EP400: variants seen among roughly 807,000 people sequenced by gnomAD.
EP400 encodes E1A binding protein p400, also known as E1A-binding protein p400.
In EP400, 105 loss-of-function variants were observed where a neutral mutation model predicts 354.1. The ratio of observed to expected loss-of-function variants is 0.30; its 90% CI spans 0.25 to 0.35. EP400 has a LOEUF of 0.35. Ranked by LOEUF, EP400 falls within the 10% of genes least tolerant of loss-of-function variation. The probability of loss-of-function intolerance (pLI) is 1.00; values close to 1 mark genes in which losing one functional copy is unlikely to be tolerated. For missense variants in EP400, 3,280 were observed against 4,121.0 expected, an observed-to-expected ratio of 0.80 and a Z score of 5.59; for synonymous variants, 1,646 against 1,716.9, an observed-to-expected ratio of 0.96 and a Z score of 1.02.
chr12:132,045,411 C>T lies in EP400; in HGVS notation c.6877C>T (p.Arg2293Cys), dbSNP rs1433414794. Residue 2293 changes from arginine to cysteine, a missense_variant, in exon 38 of 53, where the codon CGC becomes TGC. Around this residue, in one of 20 missense-constraint regions of EP400, gnomAD observed 231 missense variants for 257.9 expected, o/e 0.90. Coordinates refer to ENST00000389561, the MANE Select transcript of EP400 (RefSeq NM_015409.5). ...CGCAACACCAGGACTTCTGAAAATTCGCAGAGAGGGCAAGGAGCAGAAGAA... is the reference window on the plus strand; with the variant it reads ...CGCAACACCAGGACTTCTGAAAATTTGCAGAGAGGGCAAGGAGCAGAAGAA... ...DRATPGLLKI[R>C]REGKEQKKNI... The T allele has an allele frequency of 1.2e-6, 2 of 1,614,224 alleles. No homozygotes were observed. The highest frequency in any genetic ancestry group is 1.1e-5 in the South Asian group (1 of 91,084).
At chr12:131,995,050 C>A in intron 12 of EP400, 94 bp downstream of exon 12, 1 of 1,202,292 alleles carries the variant, frequency 8.3e-7, no homozygotes, top group Non-Finnish European at 1.2e-6. Context: ...GTAACAACAG[C>A]AGCAGTGCCT....
intron 2 of EP400, among the ~76,000 whole-genome samples, chr12:131,974,454 A>G (rs1483132407): frequency 6.6e-6 from 1 of 152,018 alleles, no homozygotes; most frequent in Non-Finnish European, 1.5e-5. Context: ...TAGGGCAGAA[A>G]TTTTCCTTTT....
chr12:132,041,383 C>T (rs1894900632), intron 32 of EP400, among the ~76,000 whole-genome samples: 3 of 152,234 alleles, frequency 2.0e-5, no homozygotes, highest in Admixed American at 6.5e-5. Context: ...GAGGATGCGG[C>T]GGGCTCCTCA....
chr12:131,992,100 G>T, intron 10 of EP400, 73 bp from the exon 11 acceptor site: 2 of 1,531,464 alleles, frequency 1.3e-6, no homozygotes, highest in South Asian at 1.1e-5. Context: ...CTGTCCCATG[G>T]ACACTGCTGT....
At chr12:132,005,426 G>T (rs1365974775) in intron 13 of EP400, among the ~76,000 whole-genome samples, 1 of 152,136 alleles carries the variant, frequency 6.6e-6, no homozygotes, top group Non-Finnish European at 1.5e-5. Context: ...TTTTTCTCTA[G>T]ATTTATAAAC....
chr12:132,059,031 G>A (rs1211689593), intron 45 of EP400, among the ~76,000 whole-genome samples: 1 of 151,962 alleles, frequency 6.6e-6, no homozygotes, highest in African/African-American at 2.4e-5. Flanking sequence ...TGAAGTTATT[G>A]GATAAAAATT....
chr12:131,982,603 A>C, intron 5 of EP400, 125 bp downstream of exon 5: 4 of 1,164,370 alleles, frequency 3.4e-6, no homozygotes, highest in Non-Finnish European at 4.8e-6. Context: ...TGCTCCCCCA[A>C]TTTAGAACAA....
Position 131,961,847 on chromosome 12 carries a change from CATT to C in EP400, c.1231_1233del (p.Tyr411del). Reference sequence around the variant, plus strand: ...GGATTTCTTAGCTTTCAAGAAGAAACATTATGCCCCATTACAAGCATATCTTAG... The same window carrying C: ...GGATTTCTTAGCTTTCAAGAAGAAACATGCCCCATTACAAGCATATCTTAG... On this transcript the variant is annotated inframe_deletion, in exon 2 of 53. Transcript: ENST00000389561. The C allele has an allele frequency of 1.2e-6, 2 of 1,614,154 alleles. No homozygotes were observed. The highest frequency in any genetic ancestry group is 1.7e-6 in the Non-Finnish European group (2 of 1,180,036).
At position 132,050,585 on chromosome 12, in the gene EP400, T is replaced by C; in HGVS notation, c.7338-14T>C. ...CTTTATTTAATAATTGCTGTCTCAC[T>C]GTCTATACTTCAGGCTTGGCATGAA... On this transcript the variant is annotated splice_polypyrimidine_tract_variant and intron_variant, in intron 40 of 52. Transcript: ENST00000389561. The surrounding 1 kb of genome is among the most constrained non-coding windows in gnomAD (Gnocchi z 4.8). The C allele has an allele frequency of 6.2e-7, 1 of 1,614,208 alleles. No homozygotes were observed.
intron 12 of EP400, among the ~76,000 whole-genome samples, chr12:131,997,239 C>T (rs980565693): frequency 6.6e-5 from 10 of 151,620 alleles, no homozygotes; most frequent in East Asian, 1.9e-4. Context: ...ATGAAACAGT[C>T]GATGAACACA....
At chr12:131,976,332 T>C (rs191006155) in intron 2 of EP400, among the ~76,000 whole-genome samples, 9 of 152,318 alleles carry the variant, frequency 5.9e-5, no homozygotes, top group African/African-American at 2.2e-4. Flanking sequence ...TTTTGTACAA[T>C]TGTGCATGAT....
intron 9 of EP400, 119 bp from the exon 10 acceptor site, chr12:131,991,288 C>T (rs1254086992): frequency 2.2e-6 from 2 of 920,200 alleles, no homozygotes; most frequent in Non-Finnish European, 3.6e-6. Flanking sequence ...AGGCAGAACT[C>T]ACGCGTCCTT....
chr12:131,963,511 T>A, intron 2 of EP400: 2 of 1,568,112 alleles, frequency 1.3e-6, no homozygotes, highest in Non-Finnish European at 1.7e-6. Flanking sequence ...TGCCTTTTTT[T>A]CTCAAAATAT....
chr12:131,961,963 CAGG>C lies in EP400; in HGVS notation c.1335+12_1335+14del. ...AGGTTATCAATGACGAGGTAAGAAA[CAGG>C]AGTTAATTTGTTTAGTACAAATCTT... On this transcript the variant is annotated intron_variant, in intron 2 of 52. Transcript: ENST00000389561. The C allele has an allele frequency of 6.2e-7, 1 of 1,604,794 alleles. No homozygotes were observed. Among genetic ancestry groups the C allele is most frequent in the South Asian group, 1.1e-5 (1 of 90,622 alleles).
intron 2 of EP400, among the ~76,000 whole-genome samples, chr12:131,973,965 C>T (rs1013838104): frequency 1.1e-4 from 16 of 150,518 alleles, no homozygotes; most frequent in South Asian, 4.2e-4. Flanking sequence ...TTGTTTCTTA[C>T]GTTACTTTAC....
At chr12:131,996,172 T>G (rs974738690) in intron 12 of EP400, among the ~76,000 whole-genome samples, 24 of 152,182 alleles carry the variant, frequency 1.6e-4, no homozygotes, top group African/African-American at 5.5e-4. Context: ...TTCCCTGTGT[T>G]TGCTGTGAGC....
At chr12:131,951,291 G>T (rs1470535946) in intron 1 of EP400, among the ~76,000 whole-genome samples, 1 of 150,888 alleles carries the variant, frequency 6.6e-6, no homozygotes, top group Non-Finnish European at 1.5e-5. Flanking sequence ...AGCTCAGGCA[G>T]TCCGCCCACC....
Position 132,050,892 on chromosome 12 carries a change from T to C in EP400, c.7394+237T>C. ...AGGGATTGTCCTTGCTGGCCCTCAG[T>C]GGGGAAAGACGCTGACAGATGTGAT... On this transcript the variant is annotated intron_variant, in intron 41 of 52. Coordinates refer to ENST00000389561, the MANE Select transcript of EP400 (RefSeq NM_015409.5). This position sits in a 1 kb window ranked among gnomAD's most constrained non-coding sequence, Gnocchi z 4.8. 1 of 587,778 alleles carries C rather than the reference T, an allele frequency of 1.7e-6. No individual in the cohort carries two copies. The highest frequency in any genetic ancestry group is 3.0e-6 in the Non-Finnish European group (1 of 330,380). 36.4% of individuals were successfully genotyped at this position (587,778 alleles called of 1,614,324 possible). A position where few individuals can be genotyped will look rare whatever the true frequency, so the allele number is the denominator to read the frequency against.
chr12:132,018,231 G>T lies in EP400; in HGVS notation c.4132G>T (p.Asp1378Tyr). The change falls in exon 21 of 53, where the codon GAT becomes TAT. Residue 1378 changes from aspartate to tyrosine, a missense_variant. By Grantham distance (160) the Asp-to-Tyr change is radical. Coordinates refer to ENST00000389561, the MANE Select transcript of EP400 (RefSeq NM_015409.5). The surrounding 1 kb of genome is among the most constrained non-coding windows in gnomAD (Gnocchi z 4.0). ...FWKEADLSMF[D>Y]LIGLENKITR... is the part of the protein sequence containing the mutation. The stretch of plus-strand genomic sequence containing the variant: ...CTAGGAAGCAGATCTTTCTATGTTT[G>T]ATCTCATCGGCTTAGAAAATAAAAT... The T allele has an allele frequency of 1.2e-6, 2 of 1,612,486 alleles. No homozygotes were observed. The highest frequency in any genetic ancestry group is 1.7e-6 in the Non-Finnish European group (2 of 1,179,634).
Sources: gnomAD v4.1 joint callset for allele counts (sites outside exome capture counted in the v4.1 genomes callset) on GRCh38, gnomAD v4.1.1 for gene constraint, gnomAD v4.1.1 regional missense constraint, Gnocchi (gnomAD v3.1) non-coding constraint, MANE v1.5 for transcripts, NCBI Gene and HGNC (gene_info 2026-07-23, HGNC 2026-07-21) for gene names.